Variants in RAMACL observed in about 807,000 individuals in gnomAD.
RAMACL encodes RNA guanine-7 methyltransferase activating subunit like.
A neutral mutation model predicts 13.4 loss-of-function variants in RAMACL; 9 were observed. The ratio of observed to expected loss-of-function variants is 0.67; its 90% CI spans 0.41 to 1.17. The LOEUF (loss-of-function observed/expected upper bound fraction) is 1.17. Among genes scored for constraint, RAMACL ranks in the 50% most tolerant of loss-of-function variants. The probability of loss-of-function intolerance (pLI) is 0.01; values close to 1 mark genes in which losing one functional copy is unlikely to be tolerated. For synonymous variants in RAMACL, 39 were observed against 49.3 expected (o/e 0.79, Z 0.88); for missense variants, 124 against 141.6 (o/e 0.88, Z 0.63).
At chr6:166,586,567 C>T (rs1434858383) in exon 1 of RAMACL, 21 of 1,263,982 alleles carry the variant, frequency 1.7e-5, no homozygotes, top group East Asian at 4.9e-5. Flanking sequence ...CAGCTCAGGC[C>T]GAACCCCGCC....
chr6:166,585,243 C>T (rs1030273517), downstream of RAMACL, among the ~76,000 whole-genome samples: 4 of 152,186 alleles, frequency 2.6e-5, no homozygotes, highest in African/African-American at 9.6e-5. Flanking sequence ...GAAACGAAGC[C>T]GTCCTCGCTG....
exon 1 of RAMACL, chr6:166,586,236 T>C: frequency 6.3e-7 from 1 of 1,594,538 alleles, no homozygotes; most frequent in Non-Finnish European, 8.5e-7. Context: ...TCCATGCCAC[T>C]GATTGGATCG....
chr6:166,583,486 C>T (rs1229283914), downstream of RAMACL, among the ~76,000 whole-genome samples: 2 of 152,206 alleles, frequency 1.3e-5, no homozygotes, highest in Admixed American at 6.5e-5. Flanking sequence ...AAGCATCCTG[C>T]GCACCTTCTC....
chr6:166,584,383 G>C (rs1302666144), downstream of RAMACL, among the ~76,000 whole-genome samples: 1 of 152,152 alleles, frequency 6.6e-6, no homozygotes, highest in African/African-American at 2.4e-5. Context: ...TCACACTGGG[G>C]GTTGGAGCTT....
downstream of RAMACL, among the ~76,000 whole-genome samples, chr6:166,584,953 G>C (rs1190320503): frequency 6.6e-6 from 1 of 152,218 alleles, no homozygotes; most frequent in Non-Finnish European, 1.5e-5. Context: ...TGGCACATTG[G>C]TGTGTCATTC....
downstream of RAMACL, among the ~76,000 whole-genome samples, chr6:166,584,020 G>A (rs979085904): frequency 7.2e-5 from 11 of 152,220 alleles, no homozygotes; most frequent in African/African-American, 2.4e-4. Flanking sequence ...GGTGTGCAAC[G>A]AAACAAGGTT....
chr6:166,586,125 T>C, exon 1 of RAMACL: 1 of 1,464,530 alleles, frequency 6.8e-7, no homozygotes, highest in South Asian at 1.2e-5. Context: ...TTTCTATCAG[T>C]AGTAACCGTA....
exon 1 of RAMACL, chr6:166,586,278 C>T (rs1785170481): frequency 4.4e-6 from 7 of 1,597,920 alleles, no homozygotes; most frequent in Non-Finnish European, 5.9e-6. Context: ...TCTGTTGTCC[C>T]TGCCTCTGAA....
At chr6:166,584,441 C>A (rs1193994781), downstream of RAMACL, among the ~76,000 whole-genome samples, 1 of 152,216 alleles carries the variant, frequency 6.6e-6, no homozygotes, top group African/African-American at 2.4e-5. Context: ...AACATTCCAT[C>A]CCTTATTTGT....
downstream of RAMACL, among the ~76,000 whole-genome samples, chr6:166,585,498 C>CTTTTTTTTTT (rs58153048): frequency 4.1e-4 from 35 of 86,278 alleles, no homozygotes; most frequent in Non-Finnish European, 5.5e-4. Flanking sequence ...TCAAACAAGT[C>CTTTTTTTTTT]TTTTTTTTTT....
downstream of RAMACL, among the ~76,000 whole-genome samples, chr6:166,585,418 T>A (rs959140762): frequency 1.3e-5 from 2 of 152,272 alleles, no homozygotes; most frequent in Admixed American, 1.3e-4. Context: ...AATTTTCACA[T>A]TTACTTATAA....
chr6:166,583,493 T>C (rs1428680869), downstream of RAMACL, among the ~76,000 whole-genome samples: 1 of 152,184 alleles, frequency 6.6e-6, no homozygotes, highest in Non-Finnish European at 1.5e-5. Flanking sequence ...CTGCGCACCT[T>C]CTCTGAGCTC....
chr6:166,585,228 G>A (rs897924751), downstream of RAMACL, among the ~76,000 whole-genome samples: 1 of 152,220 alleles, frequency 6.6e-6, no homozygotes, highest in African/African-American at 2.4e-5. Flanking sequence ...GTGACTCGGG[G>A]CTGGGAAACG....
exon 1 of RAMACL, chr6:166,586,517 AT>A (rs1785179527): frequency 1.3e-6 from 2 of 1,568,772 alleles, no homozygotes; most frequent in Non-Finnish European, 1.7e-6. Flanking sequence ...GTATTGCTTA[AT>A]GTTTAGGTTG....
downstream of RAMACL, among the ~76,000 whole-genome samples, chr6:166,583,194 C>A (rs1410778387): frequency 6.6e-6 from 1 of 152,210 alleles, no homozygotes; most frequent in Non-Finnish European, 1.5e-5. Context: ...CAAATTGCTA[C>A]TTGTGAGCTA....
downstream of RAMACL, among the ~76,000 whole-genome samples, chr6:166,584,782 AG>A (rs1398926060): frequency 6.6e-6 from 1 of 152,252 alleles, no homozygotes; most frequent in Non-Finnish European, 1.5e-5. Context: ...GAGCTCAGAA[AG>A]CGTTCCAATA....
At chr6:166,586,221 G>A in exon 1 of RAMACL, 1 of 1,591,804 alleles carries the variant, frequency 6.3e-7, no homozygotes, top group Non-Finnish European at 8.5e-7. Flanking sequence ...GTTACCCCAG[G>A]ATCGTCCATG....
downstream of RAMACL, among the ~76,000 whole-genome samples, chr6:166,584,614 G>A (rs1785113849): frequency 6.6e-6 from 1 of 152,186 alleles, no homozygotes; most frequent in Non-Finnish European, 1.5e-5. Flanking sequence ...CAGCTCTCCA[G>A]ATGTTAAGGA....
chr6:166,584,215 A>G (rs1785103723), downstream of RAMACL, among the ~76,000 whole-genome samples: 1 of 152,244 alleles, frequency 6.6e-6, no homozygotes, highest in Non-Finnish European at 1.5e-5. Context: ...CCTGGCTCAC[A>G]GGCAGCTGCT....
Sources: allele counts gnomAD v4.1 joint callset (sites outside exome capture counted in the v4.1 genomes callset), GRCh38; gene constraint gnomAD v4.1.1; transcripts MANE v1.5; gene names NCBI Gene and HGNC (gene_info 2026-07-23, HGNC 2026-07-21).